Variants in IP6K3 observed in about 807,000 individuals in gnomAD.
IP6K3 encodes ATP:1D-myo-inositol-hexakisphosphate phosphotransferase.
A neutral mutation model predicts 28.8 loss-of-function variants in IP6K3; 20 were observed. The observed-to-expected ratio is 0.70, with a 90% CI of 0.49 to 1.01. The LOEUF (loss-of-function observed/expected upper bound fraction) is 1.01, where lower values mean the gene tolerates loss of function less well. IP6K3 is among the 50% of genes least tolerant of loss of function. The pLI is 0.00. For missense variants in IP6K3, 480 were observed against 537.1 expected, an observed-to-expected ratio of 0.89 and a Z score of 1.05; for synonymous variants, 213 against 221.3, an observed-to-expected ratio of 0.96 and a Z score of 0.33.
intron 5 of IP6K3, 90 bp downstream of exon 5, chr6:33,725,351 G>C (rs892543742): frequency 3.0e-6 from 4 of 1,333,578 alleles, no homozygotes; most frequent in East Asian, 2.5e-5. Context: ...GGCTCTGCAG[G>C]GGGGCAGTGG....
chr6:33,749,844 G>A (rs1291390102), upstream of IP6K3, among the ~76,000 whole-genome samples: 1 of 152,038 alleles, frequency 6.6e-6, no homozygotes, highest in Non-Finnish European at 1.5e-5. Context: ...AAACAAGAGT[G>A]GCCTAGCCTG....
At position 33,735,612 on chromosome 6, in the gene IP6K3, A is replaced by G. The variant is rs1766497365; in HGVS notation, c.-136T>C. The G allele has an allele frequency of 2.0e-6, 3 of 1,472,978 alleles. No homozygotes were observed. The highest frequency in any genetic ancestry group is 1.4e-5 in the South Asian group (1 of 71,988). The allele number at this position is 1,472,978 out of a possible 1,614,324, so 91.2% of individuals were successfully genotyped here. ...CTCCTTCTTGGCCTTTATTGCTGTC[A>G]TAGCGCAGTTGTCCTCCTGTCTGTG... is the stretch of plus-strand genomic sequence containing the variant. On this transcript the variant is annotated 5_prime_UTR_variant, in exon 2 of 6. An upstream start codon of the reference 5' UTR is lost. Coordinates refer to ENST00000293756, the MANE Select transcript of IP6K3 (RefSeq NM_054111.5).
rs966516699 is a variant in IP6K3, at chr6:33,746,810, C to G, written c.-232G>C. ...TGTATGGAAGGCAGGGCCCAGGAAT[C>G]TTGTCTCTCAGTGCCCACCATGTAC... On this transcript the variant is annotated 5_prime_UTR_variant, in exon 1 of 6. Transcript: ENST00000293756. The surrounding 1 kb of genome is among the most constrained non-coding windows in gnomAD (Gnocchi z 6.5). 2.0e-5 allele frequency: 3 copies of G among 152,394 alleles called. No homozygotes were observed. The highest frequency in any genetic ancestry group is 7.2e-5 in the African/African-American group (3 of 41,466). The allele number at this position is 152,394 out of a possible 1,614,324, so 9.4% of individuals were successfully genotyped here. A position where few individuals can be genotyped will look rare whatever the true frequency, so the allele number is the denominator to read the frequency against.
intron 3 of IP6K3, 120 bp from the exon 4 acceptor site, chr6:33,727,026 G>A: frequency 5.6e-6 from 6 of 1,076,776 alleles, no homozygotes; most frequent in Non-Finnish European, 7.7e-6. Flanking sequence ...TGCTCTCCAG[G>A]GCAGCCCTCA....
At chr6:33,743,520 A>G (rs1766801697) in intron 1 of IP6K3, among the ~76,000 whole-genome samples, 1 of 152,196 alleles carries the variant, frequency 6.6e-6, no homozygotes, top group Non-Finnish European at 1.5e-5. Context: ...AGTTTCTCAC[A>G]TGGCTGAGGG....
chr6:33,741,713 AG>A (rs35237254), intron 1 of IP6K3, among the ~76,000 whole-genome samples: 18,175 of 138,092 alleles, frequency 0.13, 1,534 homozygotes, highest in Middle Eastern at 0.22. Context: ...GCACTTTGGG[AG>A]GCCAAGGTGG....
At chr6:33,738,748 C>G (rs893804143) in intron 1 of IP6K3, among the ~76,000 whole-genome samples, 8 of 152,336 alleles carry the variant, frequency 5.3e-5, no homozygotes, top group Admixed American at 5.2e-4. Context: ...ATACTTTAAA[C>G]TTCAGGAAAT....
At chr6:33,724,908 A>G (rs978648668) in intron 5 of IP6K3, among the ~76,000 whole-genome samples, 2 of 152,162 alleles carry the variant, frequency 1.3e-5, no homozygotes, top group African/African-American at 2.4e-5. Flanking sequence ...TTCAAATGTG[A>G]TGGTTTTTGA....
At chr6:33,756,794 C>T in the IP6K3 span, among the ~76,000 whole-genome samples, 1 of 152,164 alleles carries the variant, frequency 6.6e-6, no homozygotes, top group Non-Finnish European at 1.5e-5. Context: ...AAGTCACTAG[C>T]CTAAGAGCAC....
chr6:33,760,617 T>C, the IP6K3 span, among the ~76,000 whole-genome samples: 1 of 152,222 alleles, frequency 6.6e-6, no homozygotes, highest in African/African-American at 2.4e-5. Context: ...AACCTCTGCC[T>C]TCTGGGTTCA....
At chr6:33,761,202 G>A in the IP6K3 span, among the ~76,000 whole-genome samples, 1 of 152,020 alleles carries the variant, frequency 6.6e-6, no homozygotes, top group Non-Finnish European at 1.5e-5. Context: ...CTCCCCTTTC[G>A]ACAGAGCATT....
upstream of IP6K3, among the ~76,000 whole-genome samples, chr6:33,750,870 A>G (rs957861437): frequency 6.6e-6 from 1 of 151,946 alleles, no homozygotes; most frequent in African/African-American, 2.4e-5. This position sits in a 1 kb window ranked among gnomAD's most constrained non-coding sequence, Gnocchi z 4.3. Context: ...CCCATGACCC[A>G]GTGTTCCTGC....
chr6:33,737,591 C>G (rs559275267), intron 1 of IP6K3, among the ~76,000 whole-genome samples: 19 of 152,354 alleles, frequency 1.2e-4, no homozygotes, highest in Middle Eastern at 3.4e-3. Flanking sequence ...ACCTCCAGCT[C>G]ACTCGGGCAT....
chr6:33,753,606 T>C, the IP6K3 span, among the ~76,000 whole-genome samples: 1 of 152,078 alleles, frequency 6.6e-6, no homozygotes, highest in African/African-American at 2.4e-5. Context: ...GGAGTGGGGA[T>C]GGAGGCAGAT....
chr6:33,726,901 G>T lies in IP6K3; in HGVS notation c.419C>A (p.Ala140Asp). Residue 140 changes from alanine to aspartate, a missense_variant, in exon 4 of 6, where the codon GCC (alanine) becomes GAC (aspartate). Transcript: ENST00000293756. ...QLARSPKESP[A>D]KALLRSEPHL... ...GGGCTCGGACCTCAGAAGAGCCTTG[G>T]CCGGGCTGCGGCGGAGTGGAGCACA... 1 of 1,600,070 alleles carries T rather than the reference G, an allele frequency of 6.2e-7. No individual in the cohort carries two copies. Among genetic ancestry groups the T allele is most frequent in the Non-Finnish European group, 8.6e-7 (1 of 1,169,194 alleles).
the IP6K3 span, among the ~76,000 whole-genome samples, chr6:33,759,468 G>A: frequency 6.6e-6 from 1 of 152,138 alleles, no homozygotes; most frequent in African/African-American, 2.4e-5. Flanking sequence ...GAGCTCAAGC[G>A]ATCCACCCGC....
Position 33,722,778 on chromosome 6 carries a change from T to C in IP6K3, c.1175A>G (p.Tyr392Cys), listed in dbSNP as rs753338065. Residue 392 changes from tyrosine to cysteine, a missense_variant, in exon 6 of 6, where the codon TAT becomes TGT. By Grantham distance (194) the Tyr-to-Cys change is radical. Coordinates refer to ENST00000293756, the MANE Select transcript of IP6K3 (RefSeq NM_054111.5). ...GATGAGGTTTTCCAGGCCAAAAATA[T>C]AGCCAGGGTCTGGTCCATCGTAGGT... ...HTTYDGPDPGYIFGLENLIRI... is the reference protein window; with the variant it reads ...HTTYDGPDPGCIFGLENLIRI... 1.2e-5 allele frequency: 19 copies of C among 1,613,756 alleles called. No homozygotes were observed. The South Asian group carries it at 2.0e-4, about 17-fold the overall frequency.
At chr6:33,730,319 T>C (rs953125378) in intron 2 of IP6K3, among the ~76,000 whole-genome samples, 1 of 152,230 alleles carries the variant, frequency 6.6e-6, no homozygotes, top group African/African-American at 2.4e-5. Context: ...TGTGCCTAGC[T>C]GAGCGGTCTC....
At chr6:33,750,525 A>T (rs577464557), upstream of IP6K3, among the ~76,000 whole-genome samples, 4 of 152,232 alleles carry the variant, frequency 2.6e-5, no homozygotes, top group Non-Finnish European at 5.9e-5. The surrounding 1 kb of genome is among the most constrained non-coding windows in gnomAD (Gnocchi z 4.3). Context: ...AGAAGTGCTT[A>T]TGCCAGCTGT....
Sources: gnomAD v4.1 joint callset for allele counts (sites outside exome capture counted in the v4.1 genomes callset) on GRCh38, gnomAD v4.1.1 for gene constraint, Gnocchi (gnomAD v3.1) non-coding constraint, MANE v1.5 for transcripts, NCBI Gene and HGNC (gene_info 2026-07-23, HGNC 2026-07-21) for gene names.